RTN1: variants seen among roughly 807,000 people sequenced by gnomAD.
RTN1 encodes reticulon-1.
A neutral mutation model predicts 65.5 loss-of-function variants in RTN1; 25 were observed. That is an observed-to-expected ratio of 0.38 (90% confidence interval 0.28 to 0.53). The LOEUF (loss-of-function observed/expected upper bound fraction) is 0.53, where lower values mean the gene tolerates loss of function less well. RTN1 is among the 20% of genes least tolerant of loss of function. The probability of loss-of-function intolerance (pLI) is 0.79; values close to 1 mark genes in which losing one functional copy is unlikely to be tolerated. For synonymous variants in RTN1, 471 were observed against 447.6 expected (o/e 1.05, Z -0.66); for missense variants, 983 against 1,025.4 (o/e 0.96, Z 0.57).
intron 3 of RTN1, among the ~76,000 whole-genome samples, chr14:59,705,486 T>C (rs908645929): frequency 3.3e-5 from 5 of 152,236 alleles, no homozygotes; most frequent in African/African-American, 7.2e-5. Flanking sequence ...ATTCTTTTTA[T>C]GTGCCTCACG....
In RTN1 at chr14:59,870,300, G is replaced by C. The variant is rs577976562; in HGVS notation, c.241+90C>G. The stretch of plus-strand genomic sequence containing the variant: ...TCGGCGCTCAAGGCAGAAAGCGCGA[G>C]GCAGGTGCCCAGGAGAGCCGCGCAG... On this transcript the variant is annotated intron_variant, in intron 1 of 8. Transcript: ENST00000267484. The surrounding 1 kb of genome is among the most constrained non-coding windows in gnomAD (Gnocchi z 5.1). 213 of 1,277,658 alleles carry C rather than the reference G, an allele frequency of 1.7e-4. No individual in the cohort carries two copies. The African/African-American group carries it at 3.0e-3, about 18-fold the overall frequency. 79.1% of individuals were successfully genotyped at this position (1,277,658 alleles called of 1,614,324 possible).
At chr14:59,663,054 G>T (rs370705693) in intron 3 of RTN1, among the ~76,000 whole-genome samples, 2 of 152,132 alleles carry the variant, frequency 1.3e-5, no homozygotes, top group East Asian at 3.8e-4. Context: ...GCATGGTACT[G>T]CTACCAAAAC....
intron 1 of RTN1, among the ~76,000 whole-genome samples, chr14:59,752,600 C>T (rs1428982231): frequency 6.6e-6 from 1 of 152,108 alleles, no homozygotes; most frequent in Non-Finnish European, 1.5e-5. Flanking sequence ...ATTTATACTG[C>T]TCATGTAGCA....
intron 1 of RTN1, among the ~76,000 whole-genome samples, chr14:59,815,539 CCTCCTCAA>C (rs1455837299): frequency 2.0e-5 from 3 of 152,224 alleles, no homozygotes; most frequent in Non-Finnish European, 4.4e-5. Flanking sequence ...GCTGTCCTCA[CCTCCTCAA>C]CTCCTACTTT....
At chr14:59,750,254 A>G (rs1449928618) in intron 1 of RTN1, among the ~76,000 whole-genome samples, 1 of 69,712 alleles carries the variant, frequency 1.4e-5, no homozygotes, top group Non-Finnish European at 2.2e-5. Flanking sequence ...TCTATAATAT[A>G]TAATATATAT....
At chr14:59,809,796 C>A (rs1819345687) in intron 1 of RTN1, among the ~76,000 whole-genome samples, 1 of 152,136 alleles carries the variant, frequency 6.6e-6, no homozygotes. Flanking sequence ...ACCTAAGACA[C>A]AACAGAACCC....
intron 1 of RTN1, among the ~76,000 whole-genome samples, chr14:59,791,506 G>A (rs75163232): frequency 0.013 from 1,912 of 152,278 alleles, 38 homozygotes; most frequent in African/African-American, 0.042. Flanking sequence ...CATTATCCCA[G>A]CTCAGGGTAA....
intron 3 of RTN1, among the ~76,000 whole-genome samples, chr14:59,621,277 T>C (rs1254676924): frequency 6.6e-6 from 1 of 152,220 alleles, no homozygotes; most frequent in African/African-American, 2.4e-5. Context: ...TCTCTTTTAA[T>C]ATCCTCCTAA....
chr14:59,763,537 T>C (rs1014423672), intron 1 of RTN1, among the ~76,000 whole-genome samples: 23 of 149,606 alleles, frequency 1.5e-4, no homozygotes, highest in African/African-American at 5.6e-4. Context: ...CTTTCTTTTT[T>C]TTTTTTTTTT....
intron 3 of RTN1, among the ~76,000 whole-genome samples, chr14:59,673,421 C>T (rs773492748): frequency 2.1e-4 from 32 of 152,274 alleles, no homozygotes; most frequent in Non-Finnish European, 3.7e-4. Context: ...TTTGTGAGTT[C>T]CAGGTCCTTG....
intron 1 of RTN1, among the ~76,000 whole-genome samples, chr14:59,761,734 C>A (rs552888164): frequency 6.6e-6 from 1 of 152,172 alleles, no homozygotes; most frequent in Non-Finnish European, 1.5e-5. Context: ...ACAGGACCAT[C>A]CCTTGTAGAG....
chr14:59,779,711 G>A (rs1057249400), intron 1 of RTN1, among the ~76,000 whole-genome samples: 13 of 152,098 alleles, frequency 8.5e-5, no homozygotes, highest in Admixed American at 6.5e-4. Flanking sequence ...TAGTGATTCT[G>A]AGAATTTGCC....
At chr14:59,821,329 C>CAGAAATGCTCCTGATTTTTGTACG in intron 1 of RTN1, among the ~76,000 whole-genome samples, 1 of 152,282 alleles carries the variant, frequency 6.6e-6, no homozygotes, top group East Asian at 1.9e-4. Flanking sequence ...TGTTGGTCTA[C>CAGAAATGCTCCTGATTTTTGTACG]AGAAATGCTC....
At chr14:59,735,375 C>A (rs1213309133) in intron 2 of RTN1, among the ~76,000 whole-genome samples, 2 of 152,036 alleles carry the variant, frequency 1.3e-5, no homozygotes, top group Non-Finnish European at 2.9e-5. Context: ...AGAATCAAAC[C>A]CACACATAAC....
chr14:59,672,302 A>C (rs1423883645), intron 3 of RTN1, among the ~76,000 whole-genome samples: 1 of 152,208 alleles, frequency 6.6e-6, no homozygotes, highest in Non-Finnish European at 1.5e-5. Context: ...TAGACAGTGC[A>C]CCTCAACATA....
At chr14:59,760,362 A>T (rs1566717741) in intron 1 of RTN1, among the ~76,000 whole-genome samples, 1 of 152,244 alleles carries the variant, frequency 6.6e-6, no homozygotes, top group Non-Finnish European at 1.5e-5. Context: ...ACACTGAGAG[A>T]GTATACAAGA....
chr14:59,727,259 C>A lies in RTN1; in HGVS notation c.1425G>T (p.Ser475=). ...CCCGCTTGGGGCTCTCCTCCGAGGCCGAGGAGGCGTCGCACGACTCGATGA... is the reference window on the plus strand; with the variant it reads ...CCCGCTTGGGGCTCTCCTCCGAGGCAGAGGAGGCGTCGCACGACTCGATGA... ...ELIIESCDAS[S]ASEESPKREQ... The change falls in exon 3 of 9, where the codon TCG becomes TCT. Residue 475 remains serine, a synonymous_variant. Transcript: ENST00000267484. This position sits in a 1 kb window ranked among gnomAD's most constrained non-coding sequence, Gnocchi z 4.2. 6.6e-7 allele frequency: 1 copy of A among 1,521,196 alleles called. No homozygotes were observed. Among genetic ancestry groups the A allele is most frequent in the Non-Finnish European group, 8.8e-7 (1 of 1,134,032 alleles). The allele number at this position is 1,521,196 out of a possible 1,614,324, so 94.2% of individuals were successfully genotyped here. A position where few individuals can be genotyped will look rare whatever the true frequency, so the allele number is the denominator to read the frequency against.
intron 2 of RTN1, among the ~76,000 whole-genome samples, chr14:59,740,407 C>T (rs1300529333): frequency 6.6e-6 from 1 of 152,200 alleles, no homozygotes; most frequent in East Asian, 1.9e-4. Flanking sequence ...AATAAAAATA[C>T]AGGACACTCA....
intron 2 of RTN1, among the ~76,000 whole-genome samples, chr14:59,736,813 A>G (rs1057457616): frequency 6.6e-6 from 1 of 152,242 alleles, no homozygotes; most frequent in African/African-American, 2.4e-5. Flanking sequence ...GCAGCACATC[A>G]AAAAGTTTAT....
Sources: gnomAD v4.1 joint callset for allele counts (sites outside exome capture counted in the v4.1 genomes callset) on GRCh38, gnomAD v4.1.1 for gene constraint, Gnocchi (gnomAD v3.1) non-coding constraint, MANE v1.5 for transcripts, NCBI Gene and HGNC (gene_info 2026-07-23, HGNC 2026-07-21) for gene names.